Variants in ERMP1 observed in about 807,000 individuals in gnomAD.
ERMP1 encodes endoplasmic reticulum metallopeptidase 1, also known as Felix-ina.
A neutral mutation model predicts 92.0 loss-of-function variants in ERMP1; 86 were observed. The observed-to-expected ratio is 0.93, with a 90% CI of 0.79 to 1.12. The LOEUF (loss-of-function observed/expected upper bound fraction) is 1.12, where lower values mean the gene tolerates loss of function less well. ERMP1 is among the 50% of genes most tolerant of loss of function. ERMP1 has a pLI of 0.00. For missense variants in ERMP1, 1,342 were observed against 1,116.3 expected, an observed-to-expected ratio of 1.20 and a Z score of -2.88; for synonymous variants, 530 against 412.8, an observed-to-expected ratio of 1.28 and a Z score of -3.44.
chr9:5,794,269 T>A (rs1371600758), intron 13 of ERMP1, among the ~76,000 whole-genome samples: 1 of 152,052 alleles, frequency 6.6e-6, no homozygotes, highest in Non-Finnish European at 1.5e-5. Flanking sequence ...AACTTAAAAT[T>A]TGTGGCATGG....
chr9:5,809,327 A>G (rs1401883025), intron 8 of ERMP1, among the ~76,000 whole-genome samples: 1 of 152,174 alleles, frequency 6.6e-6, no homozygotes, highest in South Asian at 2.1e-4. Flanking sequence ...GCCAGCCCTA[A>G]TTTCTAATTT....
intron 13 of ERMP1, among the ~76,000 whole-genome samples, chr9:5,796,683 A>G (rs1303871234): frequency 1.3e-5 from 2 of 152,214 alleles, no homozygotes; most frequent in Non-Finnish European, 2.9e-5. Context: ...GCAAAGCTAC[A>G]GAGATAATAA....
At chr9:5,816,398 A>G (rs549196328) in intron 4 of ERMP1, among the ~76,000 whole-genome samples, 1 of 152,332 alleles carries the variant, frequency 6.6e-6, no homozygotes, top group South Asian at 2.1e-4. Context: ...TTTTCTCTTT[A>G]TTCTGATAAT....
chr9:5,839,651 T>A (rs889955421), intron 6 of ERMP1, among the ~76,000 whole-genome samples: 8 of 152,088 alleles, frequency 5.3e-5, no homozygotes, highest in Admixed American at 4.6e-4. Flanking sequence ...TACGTAGCTA[T>A]CTCCTCCTGC....
At chr9:5,853,977 T>C (rs1385531779) in intron 6 of ERMP1, among the ~76,000 whole-genome samples, 2 of 151,774 alleles carry the variant, frequency 1.3e-5, no homozygotes, top group Non-Finnish European at 2.9e-5. Flanking sequence ...ATGTTAATAT[T>C]TTTACATAAA....
rs779748932 is a variant in ERMP1 at position 5,805,074 on chromosome 9, G to A, written c.1867C>T (p.Leu623=). Residue 623 remains leucine, a synonymous_variant, in exon 10 of 15, where the codon CTG becomes TTG. Transcript: ENST00000339450. ...GTACAGCCAGCCAAAATGGATGCCA[G>A]CACAACATCAGGTGGGATTTCAGAA... ...SGSEIPPDVV[L]ASILAGCTMI... 2 of 1,613,490 alleles carry A rather than the reference G, an allele frequency of 1.2e-6. No homozygotes were observed. Among genetic ancestry groups the A allele is most frequent in the Non-Finnish European group, 1.7e-6 (2 of 1,179,894 alleles).
intron 4 of ERMP1, among the ~76,000 whole-genome samples, chr9:5,814,071 T>C (rs866709125): frequency 3.3e-5 from 5 of 152,216 alleles, no homozygotes; most frequent in Middle Eastern, 3.4e-3. Context: ...GCCAACAGAC[T>C]GTGAGGAGGA....
chr9:5,787,695 C>T (rs921197631), intron 13 of ERMP1, 102 bp from the exon 14 acceptor site: 6 of 1,147,538 alleles, frequency 5.2e-6, no homozygotes, highest in African/African-American at 3.1e-5. Flanking sequence ...GCCTGCATGA[C>T]TTTAAATATA....
In ERMP1 at chr9:5,787,233, A is replaced by T; in HGVS notation, c.2626T>A (p.Ser876Thr). ...TCCTTCAGAGCATCCAGTTGAGGGGATCTCTTGTCTTCCCCAGACAGATAG... is the reference window on the plus strand; with the variant it reads ...TCCTTCAGAGCATCCAGTTGAGGGGTTCTCTTGTCTTCCCCAGACAGATAG... The part of the protein sequence containing the change: ...AHYLSGEDKR[S>T]PQLDALKEKF... Residue 876 changes from serine (S) to threonine (T), a missense_variant, in exon 15 of 15, where the codon TCC (serine) becomes ACC (threonine). Coordinates refer to ENST00000339450, the MANE Select transcript of ERMP1 (RefSeq NM_024896.3). The T allele has an allele frequency of 6.2e-7, 1 of 1,614,062 alleles. No homozygotes were observed. Among genetic ancestry groups the T allele is most frequent in the Admixed American group, 1.7e-5 (1 of 59,998 alleles).
intron 3 of ERMP1, 114 bp downstream of exon 3, chr9:5,824,975 TTTA>T: frequency 1.0e-6 from 1 of 990,422 alleles, no homozygotes; most frequent in Non-Finnish European, 1.5e-6. Flanking sequence ...TGCATATTAT[TTTA>T]TACTACCCAC....
upstream of ERMP1, among the ~76,000 whole-genome samples, chr9:5,834,991 GTGT>G: frequency 1.4e-5 from 2 of 146,780 alleles, no homozygotes; most frequent in Admixed American, 6.8e-5. Flanking sequence ...GTGTGTGTGT[GTGT>G]GTGTGTGTGT....
intron 13 of ERMP1, 114 bp downstream of exon 13, chr9:5,797,703 A>C (rs1828489377): frequency 1.4e-6 from 1 of 694,472 alleles, no homozygotes; most frequent in Non-Finnish European, 2.5e-6. Context: ...GAAACATCAC[A>C]GGCTCTTCCT....
chr9:5,826,766 TGTGAGTTACTTTAAAATA>T (rs1352813877), intron 2 of ERMP1, among the ~76,000 whole-genome samples: 2 of 152,272 alleles, frequency 1.3e-5, no homozygotes, highest in Non-Finnish European at 2.9e-5. Flanking sequence ...AATTTGACAC[TGTGAGTTACTTTAAAATA>T]GAGAGCAAAC....
intron 5 of ERMP1, among the ~76,000 whole-genome samples, chr9:5,862,857 A>G (rs928184142): frequency 3.9e-5 from 6 of 152,094 alleles, no homozygotes; most frequent in African/African-American, 1.4e-4. Flanking sequence ...AGGAGCCCCA[A>G]CCAAGACTGT....
chr9:5,808,377 G>A (rs1828949159), intron 8 of ERMP1, among the ~76,000 whole-genome samples: 1 of 152,188 alleles, frequency 6.6e-6, no homozygotes, highest in Non-Finnish European at 1.5e-5. Context: ...GAGCCCCACG[G>A]TATAATTCTT....
At chr9:5,861,618 C>T (rs576826920) in intron 5 of ERMP1, among the ~76,000 whole-genome samples, 31 of 151,016 alleles carry the variant, frequency 2.1e-4, no homozygotes, top group African/African-American at 7.0e-4. Context: ...TGGCAAGAGA[C>T]GGAGATGGAA....
chr9:5,852,381 G>C lies in ERMP1; in HGVS notation n.3199+7087C>G, dbSNP rs560220653. 5.3e-5 allele frequency among the ~76,000 whole-genome samples: 8 copies of C among 151,700 alleles called. No homozygotes were observed. The South Asian group carries it at 1.7e-3, about 32-fold the overall frequency. ...CACGCTCAGGTGACCTCCCTCCTCA[G>C]CCTCCCTCATAGCTGGGACTACAGG... On this transcript the variant is annotated intron_variant and non_coding_transcript_variant, in intron 6 of 6. Coordinates refer to the ERMP1 transcript ENST00000690753.
chr9:5,802,246 G>C (rs946553013), intron 10 of ERMP1, among the ~76,000 whole-genome samples: 4 of 152,142 alleles, frequency 2.6e-5, no homozygotes, highest in African/African-American at 9.7e-5. Flanking sequence ...CCTAAGGCTA[G>C]TACTGTTTTG....
chr9:5,790,153 G>A (rs1828120221), intron 13 of ERMP1, among the ~76,000 whole-genome samples: 1 of 151,516 alleles, frequency 6.6e-6, no homozygotes, highest in Non-Finnish European at 1.5e-5. Flanking sequence ...TTAATTGGTG[G>A]GAGTTAAAAC....
Sources: gnomAD v4.1 joint callset for allele counts (sites outside exome capture counted in the v4.1 genomes callset) on GRCh38, gnomAD v4.1.1 for gene constraint, MANE v1.5 for transcripts, NCBI Gene and HGNC (gene_info 2026-07-23, HGNC 2026-07-21) for gene names.